THRB: variants seen among roughly 807,000 people sequenced by gnomAD.
THRB encodes the protein nuclear receptor subfamily 1 group A member 2.
A neutral mutation model predicts 47.8 loss-of-function variants in THRB; 12 were observed. The observed-to-expected ratio is 0.25, with a 90% CI of 0.16 to 0.41. THRB has a LOEUF of 0.41. Among genes scored for constraint, THRB ranks in the 10% least tolerant of loss-of-function variants. THRB has a pLI of 1.00. For synonymous variants in THRB, 218 were observed against 212.2 expected (o/e 1.03, Z -0.24); for missense variants, 348 against 589.2 (o/e 0.59, Z 4.24).
At chr3:24,188,568 G>T (rs866376384) in intron 5 of THRB, among the ~76,000 whole-genome samples, 6 of 152,028 alleles carry the variant, frequency 3.9e-5, no homozygotes, top group Non-Finnish European at 8.8e-5. Flanking sequence ...TATCAATTGT[G>T]AGTGAATCAA....
intron 8 of THRB, among the ~76,000 whole-genome samples, chr3:24,142,736 C>G (rs963175085): frequency 6.6e-6 from 1 of 152,164 alleles, no homozygotes; most frequent in South Asian, 2.1e-4. Flanking sequence ...ACCAGAAGAC[C>G]GAGTTGGTTT....
intron 1 of THRB, among the ~76,000 whole-genome samples, chr3:24,373,589 G>A (rs540977062): frequency 2.6e-5 from 4 of 152,162 alleles, no homozygotes; most frequent in African/African-American, 4.8e-5. Flanking sequence ...TAGATGAAGC[G>A]GCTGGGAATA....
intron 1 of THRB, among the ~76,000 whole-genome samples, chr3:24,450,124 T>G (rs2072499804): frequency 6.6e-6 from 1 of 152,150 alleles, no homozygotes; most frequent in Non-Finnish European, 1.5e-5. Context: ...TATTTAAGAT[T>G]CTTATTTTAT....
chr3:24,466,811 T>G (rs2074193261), intron 1 of THRB, among the ~76,000 whole-genome samples: 1 of 152,248 alleles, frequency 6.6e-6, no homozygotes, highest in African/African-American at 2.4e-5. Flanking sequence ...ATAATCTTTT[T>G]GCAGGTGAAG....
intron 1 of THRB, chr3:24,458,527 T>C (rs1055406338): frequency 2.0e-5 from 3 of 152,194 alleles, no homozygotes; most frequent in African/African-American, 7.2e-5. Flanking sequence ...TTCAGTCCAC[T>C]CAGTAGGGTC....
chr3:24,436,735 G>A (rs2070995754), intron 1 of THRB, among the ~76,000 whole-genome samples: 1 of 152,094 alleles, frequency 6.6e-6, no homozygotes, highest in Non-Finnish European at 1.5e-5. Context: ...GGAAGATCAC[G>A]TACATCTAAC....
At chr3:24,424,108 C>G (rs1042362927) in intron 1 of THRB, among the ~76,000 whole-genome samples, 4 of 151,798 alleles carry the variant, frequency 2.6e-5, no homozygotes, top group African/African-American at 9.7e-5. Context: ...AGAATAGTAG[C>G]TTGAAAGGGT....
intron 4 of THRB, among the ~76,000 whole-genome samples, chr3:24,200,812 T>C (rs569766191): frequency 1.3e-5 from 2 of 152,338 alleles, no homozygotes; most frequent in East Asian, 1.9e-4. Flanking sequence ...TTCTTGGTTA[T>C]AATAGCAGGT....
chr3:24,492,736 C>T (rs1195003543), intron 1 of THRB, among the ~76,000 whole-genome samples: 3 of 152,206 alleles, frequency 2.0e-5, no homozygotes, highest in Admixed American at 6.5e-5. Flanking sequence ...GCAGAATTTA[C>T]TACAAAGAAA....
At chr3:24,384,037 G>T (rs1230098736) in intron 1 of THRB, among the ~76,000 whole-genome samples, 1 of 152,084 alleles carries the variant, frequency 6.6e-6, no homozygotes, top group African/African-American at 2.4e-5. Context: ...TTACCGGCTA[G>T]TATCTTTTGG....
chr3:24,137,047 C>T (rs1343932064), intron 8 of THRB, among the ~76,000 whole-genome samples: 1 of 152,226 alleles, frequency 6.6e-6, no homozygotes, highest in Non-Finnish European at 1.5e-5. Flanking sequence ...ACATTTACCT[C>T]ATTCAAACAC....
chr3:24,351,197 T>C (rs1371794302), intron 1 of THRB, among the ~76,000 whole-genome samples: 1 of 152,134 alleles, frequency 6.6e-6, no homozygotes, highest in East Asian at 1.9e-4. Flanking sequence ...CCTAAATTTG[T>C]GTATACCCTT....
intron 3 of THRB, among the ~76,000 whole-genome samples, chr3:24,231,134 A>T (rs535150896): frequency 6.6e-6 from 1 of 152,316 alleles, no homozygotes; most frequent in East Asian, 1.9e-4. Context: ...TTTTACAATA[A>T]GCTGGTTTGA....
intron 7 of THRB, among the ~76,000 whole-genome samples, chr3:24,146,202 G>A (rs923862498): frequency 3.3e-5 from 5 of 152,056 alleles, no homozygotes; most frequent in African/African-American, 9.7e-5. Flanking sequence ...TTCTGCCAGC[G>A]CCCCATCTCC....
chr3:24,450,540 T>A (rs531958240), intron 1 of THRB, among the ~76,000 whole-genome samples: 1 of 152,358 alleles, frequency 6.6e-6, no homozygotes, highest in South Asian at 2.1e-4. Context: ...ACCCAATTTA[T>A]CTATGAGGTC....
chr3:24,301,784 A>G (rs2056961191), intron 2 of THRB, among the ~76,000 whole-genome samples: 1 of 152,198 alleles, frequency 6.6e-6, no homozygotes, highest in African/African-American at 2.4e-5. Flanking sequence ...AAGGGTACAG[A>G]TTTTGAGATG....
intron 1 of THRB, among the ~76,000 whole-genome samples, chr3:24,338,183 T>A (rs1271682367): frequency 1.3e-5 from 2 of 152,256 alleles, no homozygotes; most frequent in Non-Finnish European, 2.9e-5. Flanking sequence ...GTGCTCTAAT[T>A]TTTTTTAATT....
At chr3:24,420,507 C>T (rs755756674) in intron 1 of THRB, among the ~76,000 whole-genome samples, 7 of 151,834 alleles carry the variant, frequency 4.6e-5, no homozygotes, top group African/African-American at 7.2e-5. Context: ...GAAACTTCCA[C>T]ACCTCAGAAA....
intron 1 of THRB, among the ~76,000 whole-genome samples, chr3:24,432,069 A>G (rs2070481452): frequency 6.6e-6 from 1 of 152,088 alleles, no homozygotes; most frequent in African/African-American, 2.4e-5. Context: ...TACATATTTA[A>G]TATCAACATT....
Sources: allele counts gnomAD v4.1 joint callset (sites outside exome capture counted in the v4.1 genomes callset), GRCh38; gene constraint gnomAD v4.1.1; transcripts MANE v1.5; gene names NCBI Gene and HGNC (gene_info 2026-07-23, HGNC 2026-07-21).